Variants in SYT1 observed in about 807,000 individuals in gnomAD.
SYT1 encodes the protein synaptotagmin-1.
In SYT1, 8 loss-of-function variants were observed where a neutral mutation model predicts 44.8. The ratio of observed to expected loss-of-function variants is 0.18; its 90% CI spans 0.10 to 0.32. The LOEUF (loss-of-function observed/expected upper bound fraction) is 0.32. Among genes scored for constraint, SYT1 ranks in the 10% least tolerant of loss-of-function variants. The probability of loss-of-function intolerance (pLI) is 1.00; values close to 1 mark genes in which losing one functional copy is unlikely to be tolerated. For synonymous variants in SYT1, 154 were observed against 188.8 expected (o/e 0.82, Z 1.51); for missense variants, 286 against 509.3 (o/e 0.56, Z 4.22).
chr12:79,337,470 T>G (rs1488031396), intron 8 of SYT1, among the ~76,000 whole-genome samples: 1 of 152,130 alleles, frequency 6.6e-6, no homozygotes, highest in Non-Finnish European at 1.5e-5. Flanking sequence ...GACCCCATTT[T>G]CCCCATGATG....
intron 2 of SYT1, among the ~76,000 whole-genome samples, chr12:78,982,369 A>G (rs1869326589): frequency 1.3e-5 from 2 of 152,194 alleles, no homozygotes; most frequent in Admixed American, 6.6e-5. Flanking sequence ...GTAAGTTTCT[A>G]AAATCCCTTT....
intron 9 of SYT1, among the ~76,000 whole-genome samples, chr12:79,436,887 A>T (rs1870121499): frequency 6.6e-6 from 1 of 152,216 alleles, no homozygotes; most frequent in Non-Finnish European, 1.5e-5. Flanking sequence ...CCAATACCAG[A>T]AAAGAAAGAG....
intron 2 of SYT1, among the ~76,000 whole-genome samples, chr12:79,018,907 A>ATTTTTTCTAAATT (rs769441920): frequency 0.074 from 11,220 of 152,130 alleles, 514 homozygotes; most frequent in East Asian, 0.14. Context: ...TGGGAGAATA[A>ATTTTTTCTAAATT]TATCTGCCTC....
chr12:79,023,259 T>C (rs1171516157), intron 2 of SYT1, among the ~76,000 whole-genome samples: 3 of 151,862 alleles, frequency 2.0e-5, no homozygotes, highest in Non-Finnish European at 4.4e-5. Context: ...TTTTTGGAAA[T>C]TAAATAATTT....
intron 1 of SYT1, among the ~76,000 whole-genome samples, chr12:78,927,536 C>T (rs1190168196): frequency 6.6e-6 from 1 of 152,036 alleles, no homozygotes. Flanking sequence ...TTTCATGACC[C>T]TTTCTGAAAT....
chr12:78,924,796 A>G (rs1877210958), intron 1 of SYT1, among the ~76,000 whole-genome samples: 1 of 151,374 alleles, frequency 6.6e-6, no homozygotes. Flanking sequence ...TTCTGGCACA[A>G]GATGAGGTTT....
chr12:79,088,744 G>GTC (rs1877562893), intron 3 of SYT1, among the ~76,000 whole-genome samples: 1 of 112,092 alleles, frequency 8.9e-6, no homozygotes, highest in Non-Finnish European at 2.0e-5. Context: ...GGGCCTGTGT[G>GTC]TGTGTGTGTG....
chr12:79,154,232 GA>G (rs1322005994), intron 3 of SYT1, among the ~76,000 whole-genome samples: 1 of 152,004 alleles, frequency 6.6e-6, no homozygotes, highest in African/African-American at 2.4e-5. Context: ...TTCAATTTCA[GA>G]AGCTCTAAAA....
intron 2 of SYT1, among the ~76,000 whole-genome samples, chr12:78,978,358 T>C (rs1160003052): frequency 6.6e-6 from 1 of 152,126 alleles, no homozygotes; most frequent in Non-Finnish European, 1.5e-5. Flanking sequence ...AGCACGAGTA[T>C]TGGGTGAGGG....
intron 4 of SYT1, among the ~76,000 whole-genome samples, chr12:79,275,515 G>A (rs1878667270): frequency 1.3e-5 from 2 of 152,100 alleles, no homozygotes; most frequent in Admixed American, 6.6e-5. Flanking sequence ...GATGGACCGA[G>A]GTGCCTATCT....
intron 9 of SYT1, among the ~76,000 whole-genome samples, chr12:79,408,660 G>A (rs1404959643): frequency 1.3e-5 from 2 of 151,608 alleles, no homozygotes; most frequent in East Asian, 3.9e-4. Context: ...TTGGTTTTAG[G>A]TCATTTCTTT....
intron 1 of SYT1, among the ~76,000 whole-genome samples, chr12:78,965,282 A>G (rs1879710735): frequency 6.6e-6 from 1 of 152,112 alleles, no homozygotes; most frequent in Non-Finnish European, 1.5e-5. Context: ...TTTCCTTTTC[A>G]GTTTATGAAA....
chr12:78,925,915 A>G (rs989706289), intron 1 of SYT1, among the ~76,000 whole-genome samples: 1 of 152,040 alleles, frequency 6.6e-6, no homozygotes, highest in African/African-American at 2.4e-5. Flanking sequence ...TAATCACGAA[A>G]CAAACTATTG....
intron 4 of SYT1, among the ~76,000 whole-genome samples, chr12:79,272,108 G>A (rs548419741): frequency 6.6e-6 from 1 of 152,256 alleles, no homozygotes; most frequent in Admixed American, 6.5e-5. Context: ...TTAAATGACT[G>A]GAGAGGAAGA....
intron 4 of SYT1, among the ~76,000 whole-genome samples, chr12:79,248,692 A>G (rs1876998589): frequency 6.6e-6 from 1 of 152,196 alleles, no homozygotes; most frequent in African/African-American, 2.4e-5. Flanking sequence ...ACAAAATGCA[A>G]ATAGGCAAGA....
chr12:78,977,490 G>A (rs1384121242), intron 1 of SYT1: 2 of 152,212 alleles, frequency 1.3e-5, no homozygotes, highest in African/African-American at 4.8e-5. Flanking sequence ...TGGCAGCACA[G>A]GCTACTTCTC....
At chr12:79,425,103 T>C (rs1396537055) in intron 9 of SYT1, among the ~76,000 whole-genome samples, 1 of 152,062 alleles carries the variant, frequency 6.6e-6, no homozygotes, top group Non-Finnish European at 1.5e-5. Context: ...AATATTTTCC[T>C]TCCAGTCTAT....
chr12:78,899,127 A>G (rs1209807285), intron 1 of SYT1, among the ~76,000 whole-genome samples: 1 of 152,090 alleles, frequency 6.6e-6, no homozygotes, highest in African/African-American at 2.4e-5. Context: ...AGTGGAAACT[A>G]TTGCTCACTA....
At chr12:79,095,425 A>G (rs924675498) in intron 3 of SYT1, among the ~76,000 whole-genome samples, 33 of 151,926 alleles carry the variant, frequency 2.2e-4, no homozygotes, top group Admixed American at 8.6e-4. Context: ...GGTAACAGTT[A>G]TATTTACGTG....
Sources: gnomAD v4.1 joint callset for allele counts (sites outside exome capture counted in the v4.1 genomes callset) on GRCh38, gnomAD v4.1.1 for gene constraint, MANE v1.5 for transcripts, NCBI Gene and HGNC (gene_info 2026-07-23, HGNC 2026-07-21) for gene names.